The following HADHB variants were observed in gnomAD, a reference collection of about 807,000 sequenced individuals.
HADHB encodes the protein trifunctional enzyme subunit beta, mitochondrial.
In HADHB, 50 loss-of-function variants were observed where a neutral mutation model predicts 61.9. That is an observed-to-expected ratio of 0.81 (90% CI 0.64 to 1.02). HADHB has a LOEUF of 1.02. HADHB is among the 50% of genes least tolerant of loss of function. The pLI is 0.00. For missense variants in HADHB, 504 were observed against 586.5 expected (o/e 0.86, Z 1.45); for synonymous variants, 191 against 201.6 (o/e 0.95, Z 0.45).
chr2:26,266,871 C>CAAAAAGAAAAA (rs1672105293), intron 4 of HADHB, among the ~76,000 whole-genome samples: 1 of 45,426 alleles, frequency 2.2e-5, no homozygotes, highest in Non-Finnish European at 3.8e-5. Context: ...CACTCTCTCT[C>CAAAAAGAAAAA]AAAAAAAAAA....
At chr2:26,273,888 G>A in intron 6 of HADHB, 138 bp downstream of exon 6, 1 of 669,076 alleles carries the variant, frequency 1.5e-6, no homozygotes, top group Non-Finnish European at 2.7e-6. Flanking sequence ...TACAGCTTGG[G>A]TAATGTGTTA....
intron 5 of HADHB, among the ~76,000 whole-genome samples, chr2:26,271,431 T>C (rs964024544): frequency 2.6e-5 from 4 of 151,866 alleles, no homozygotes; most frequent in African/African-American, 9.7e-5. Flanking sequence ...CCCTTGAACC[T>C]GGGAGGCAGA....
At chr2:26,272,431 C>T (rs779041744) in intron 5 of HADHB, among the ~76,000 whole-genome samples, 5 of 151,214 alleles carry the variant, frequency 3.3e-5, no homozygotes, top group Admixed American at 6.6e-5. Context: ...CTGCAGCCTC[C>T]GCCTCCCAGG....
intron 10 of HADHB, among the ~76,000 whole-genome samples, chr2:26,281,773 A>T (rs985225170): frequency 1.3e-5 from 2 of 152,068 alleles, no homozygotes. Flanking sequence ...GACTTTATGG[A>T]CACCCTATTG....
At chr2:26,262,043 T>G (rs952960782) in intron 3 of HADHB, among the ~76,000 whole-genome samples, 4 of 152,186 alleles carry the variant, frequency 2.6e-5, no homozygotes, top group Non-Finnish European at 4.4e-5. Flanking sequence ...CTTTATCTCC[T>G]TCACCAGCAG....
chr2:26,288,323 A>T (rs562401267), intron 15 of HADHB, among the ~76,000 whole-genome samples: 1 of 152,146 alleles, frequency 6.6e-6, no homozygotes, highest in East Asian at 1.9e-4. Context: ...AGAGAGGAGT[A>T]GTCTACCTTA....
At position 26,277,144 on chromosome 2, in the gene HADHB, C is replaced by T. The variant is rs777313153; in HGVS notation, c.426C>T (p.Asn142=). The T allele has an allele frequency of 4.4e-5, 69 of 1,566,738 alleles. No homozygotes were observed. The highest frequency in any genetic ancestry group is 2.3e-4 in the Admixed American group (14 of 59,890). ...TCACCATGGCTTGTATCTCTGCCAA[C>T]CAAGCCATGACCACAGGTATGTTTA... ...HTVTMACISA[N]QAMTTGVGLI... Residue 142 remains asparagine (N), a synonymous_variant, in exon 7 of 16, where the codon AAC becomes AAT. Coordinates refer to ENST00000317799, the MANE Select transcript of HADHB (RefSeq NM_000183.3).
chr2:26,287,462 G>A (rs1018177131), intron 15 of HADHB, among the ~76,000 whole-genome samples: 7 of 152,112 alleles, frequency 4.6e-5, no homozygotes, highest in African/African-American at 1.2e-4. Flanking sequence ...AGCATAGTGC[G>A]TAATCCACAT....
chr2:26,289,507 G>A (rs1673178760), intron 15 of HADHB, among the ~76,000 whole-genome samples: 1 of 151,956 alleles, frequency 6.6e-6, no homozygotes, highest in Non-Finnish European at 1.5e-5. Context: ...TCATGTTTAT[G>A]TTTATACAGT....
intron 10 of HADHB, 28 bp downstream of exon 10, chr2:26,280,143 T>TG (rs1276100319): frequency 6.3e-7 from 1 of 1,585,568 alleles, no homozygotes; most frequent in African/African-American, 1.3e-5. Context: ...TTGTATTTAG[T>TG]AGTGACTTTT....
chr2:26,285,363 C>G, intron 14 of HADHB, 44 bp from the exon 15 acceptor site: 1 of 1,566,170 alleles, frequency 6.4e-7, no homozygotes, highest in Non-Finnish European at 8.8e-7. Context: ...TGATTCTGAT[C>G]TTAAGTAAAC....
Position 26,254,261 on chromosome 2 carries a change from A to AC in HADHB, c.7_8insC (p.Ile3ThrfsTer7). 1 of 1,437,634 alleles carries AC rather than the reference A, an allele frequency of 7.0e-7. No homozygotes were observed. 89.1% of individuals were successfully genotyped at this position (1,437,634 alleles called of 1,614,324 possible). ...TCTCTTTTTAGATTCCAGAATGACT[A>AC]TCTTGACTTACCCCTTTAAAAATCT... On this transcript the variant is annotated frameshift_variant, in exon 2 of 16. Coordinates refer to ENST00000317799, the MANE Select transcript of HADHB (RefSeq NM_000183.3). LOFTEE classifies it high-confidence loss of function.
chr2:26,248,513 A>G (rs1460545907), intron 1 of HADHB, among the ~76,000 whole-genome samples: 1 of 152,138 alleles, frequency 6.6e-6, no homozygotes, highest in African/African-American at 2.4e-5. Context: ...ATACATTTTG[A>G]ATATTTCTAT....
chr2:26,246,185 T>C (rs1484275156), intron 1 of HADHB, among the ~76,000 whole-genome samples: 2 of 152,242 alleles, frequency 1.3e-5, no homozygotes, highest in Admixed American at 1.3e-4. Context: ...GCCCATGTAA[T>C]GCTTTCTTCA....
chr2:26,274,599 T>C (rs896149053), intron 6 of HADHB, among the ~76,000 whole-genome samples: 1 of 152,214 alleles, frequency 6.6e-6, no homozygotes, highest in Non-Finnish European at 1.5e-5. Flanking sequence ...CTGTGTGCTG[T>C]TGAGGGGCAG....
intron 1 of HADHB, among the ~76,000 whole-genome samples, chr2:26,250,756 G>C (rs903403458): frequency 6.6e-6 from 1 of 151,564 alleles, no homozygotes; most frequent in Non-Finnish European, 1.5e-5. Context: ...AGGAGTTCCA[G>C]ATTGCAGTGA....
At chr2:26,247,295 T>C (rs960972695) in intron 1 of HADHB, among the ~76,000 whole-genome samples, 5 of 152,228 alleles carry the variant, frequency 3.3e-5, no homozygotes, top group Admixed American at 6.5e-5. Flanking sequence ...ATTTCTGTTT[T>C]CTGAAGTTTA....
intron 4 of HADHB, among the ~76,000 whole-genome samples, chr2:26,269,251 G>A (rs1672233422): frequency 6.6e-6 from 1 of 152,064 alleles, no homozygotes; most frequent in Non-Finnish European, 1.5e-5. Flanking sequence ...GCCCAGACTG[G>A]AGTGCAGTGG....
rs72851527 is a variant in HADHB at position 26,274,360 on chromosome 2, C to G, written c.354+610C>G. Among the ~76,000 whole-genome samples, 956 of 152,312 alleles carry G rather than the reference C, an allele frequency of 6.3e-3. 8 individuals carry two copies. The highest frequency in any genetic ancestry group is 0.022 in the African/African-American group (894 of 41,572). On this transcript the variant is annotated intron_variant, in intron 6 of 15. Coordinates refer to ENST00000317799, the MANE Select transcript of HADHB (RefSeq NM_000183.3). ...AAACACGTCTTCTGGGCTGTGTTTT[C>G]ATTTAAAATCGATTGGATGAAGTTG... is the stretch of plus-strand genomic sequence containing the variant.
Sources: gnomAD v4.1 joint callset for allele counts (sites outside exome capture counted in the v4.1 genomes callset) on GRCh38, gnomAD v4.1.1 for gene constraint, MANE v1.5 for transcripts, NCBI Gene and HGNC (gene_info 2026-07-23, HGNC 2026-07-21) for gene names.